DACH2: variants seen among roughly 807,000 people sequenced by gnomAD.
DACH2 encodes the protein dachshund family transcription factor 2.
Under a neutral mutation model 35.8 loss-of-function variants are expected in DACH2, and 17 were observed. The observed-to-expected ratio is 0.48, with a 90% confidence interval of 0.33 to 0.71. DACH2 has a LOEUF of 0.71. Among genes scored for constraint, DACH2 ranks in the 30% least tolerant of loss-of-function variants. DACH2 has a pLI of 0.02. For missense variants in DACH2, 469 were observed against 472.7 expected, an observed-to-expected ratio of 0.99 and a Z score of 0.07; for synonymous variants, 195 against 177.3, an observed-to-expected ratio of 1.10 and a Z score of -0.79.
intron 4 of DACH2, among the ~76,000 whole-genome samples, chrX:86,679,395 C>G (rs1313605338): frequency 8.9e-6 from 1 of 111,753 alleles, no homozygotes; most frequent in Non-Finnish European, 1.9e-5. Context: ...GTGCTGTTTT[C>G]TGTTCTACAA....
intron 2 of DACH2, among the ~76,000 whole-genome samples, chrX:86,407,278 T>C (rs1423656171): frequency 8.9e-6 from 1 of 112,039 alleles, no homozygotes. Context: ...TTATATAGTC[T>C]TGTTGAGCCT....
intron 1 of DACH2, among the ~76,000 whole-genome samples, chrX:86,228,457 A>G (rs1203702319): frequency 9.5e-6 from 1 of 105,500 alleles, no homozygotes; most frequent in Non-Finnish European, 1.9e-5. Flanking sequence ...AGAGGAAAAA[A>G]AAAAAAGAAA....
chrX:86,190,757 C>T (rs1444544271), intron 1 of DACH2, among the ~76,000 whole-genome samples: 1 of 111,006 alleles, frequency 9.0e-6, no homozygotes, highest in African/African-American at 3.3e-5. Flanking sequence ...CCAGCCTGAC[C>T]AACATGGAGA....
At chrX:86,311,915 G>C (rs1167177784) in intron 1 of DACH2, among the ~76,000 whole-genome samples, 1 of 111,355 alleles carries the variant, frequency 9.0e-6, no homozygotes, top group East Asian at 2.8e-4. Flanking sequence ...GCGTCTTTTA[G>C]TATTACCATG....
chrX:86,419,636 C>A (rs766203281), intron 2 of DACH2, among the ~76,000 whole-genome samples: 4 of 111,884 alleles, frequency 3.6e-5, no homozygotes, highest in South Asian at 7.5e-4. Context: ...GTGGACACAG[C>A]CAAACCATAT....
At chrX:86,518,666 G>A (rs1386583170) in intron 3 of DACH2, among the ~76,000 whole-genome samples, 1 of 111,754 alleles carries the variant, frequency 8.9e-6, no homozygotes, top group Non-Finnish European at 1.9e-5. Context: ...AATTGTGAAT[G>A]GGATTGCCTT....
chrX:86,344,780 C>CTCCTT (rs1197762511), intron 1 of DACH2, among the ~76,000 whole-genome samples: 1 of 111,718 alleles, frequency 9.0e-6, no homozygotes, highest in Non-Finnish European at 1.9e-5. Flanking sequence ...TTCTGACAGT[C>CTCCTT]TCCTTTCCCT....
chrX:86,165,225 A>G (rs1043751184), intron 1 of DACH2, among the ~76,000 whole-genome samples: 3 of 111,246 alleles, frequency 2.7e-5, no homozygotes, highest in Non-Finnish European at 5.7e-5. Context: ...TTATCCATTC[A>G]TCCATTGATG....
At chrX:86,337,530 A>G (rs1184559220) in intron 1 of DACH2, among the ~76,000 whole-genome samples, 5 of 109,470 alleles carry the variant, frequency 4.6e-5, no homozygotes, top group African/African-American at 1.3e-4. Flanking sequence ...CAAACACCTT[A>G]CAAGTCTGCC....
chrX:86,205,887 T>G (rs1448244876), intron 1 of DACH2, among the ~76,000 whole-genome samples: 1 of 110,842 alleles, frequency 9.0e-6, no homozygotes, highest in African/African-American at 3.3e-5. Flanking sequence ...TTTTCTATGT[T>G]CAAATGTTTG....
intron 1 of DACH2, among the ~76,000 whole-genome samples, chrX:86,219,112 T>G (rs779844442): frequency 8.9e-5 from 10 of 112,058 alleles, no homozygotes; most frequent in Non-Finnish European, 1.5e-4. Context: ...TGTATACAAA[T>G]TCAGAACGTG....
chrX:86,257,414 T>G (rs1033683266), intron 1 of DACH2, among the ~76,000 whole-genome samples: 1 of 112,093 alleles, frequency 8.9e-6, no homozygotes, highest in Non-Finnish European at 1.9e-5. Flanking sequence ...ACAGATCATA[T>G]GGAAAAGGGA....
chrX:86,300,351 CTTTTA>C (rs2148012091), intron 1 of DACH2, among the ~76,000 whole-genome samples: 1 of 111,694 alleles, frequency 9.0e-6, no homozygotes, highest in South Asian at 3.7e-4. Context: ...TTTTGTATTA[CTTTTA>C]TTTTAATCAT....
At chrX:86,224,220 G>A (rs188988795) in intron 1 of DACH2, among the ~76,000 whole-genome samples, 163 of 110,968 alleles carry the variant, frequency 1.5e-3, no homozygotes, top group Non-Finnish European at 1.1e-3. Flanking sequence ...CTAGAATTGC[G>A]TGCAACTTGA....
At position 86,714,705 on chromosome X, in the gene DACH2, T is replaced by A. The variant is rs772892123; in HGVS notation, c.1089T>A (p.Gly363=). Residue 363 remains glycine (G), a synonymous_variant, in exon 6 of 12, where the codon GGT becomes GGA. Coordinates refer to ENST00000373125, the MANE Select transcript of DACH2 (RefSeq NM_053281.3). ...TTCACAGTCCACTCTCCAGAGCTGG[T>A]ACCTCTGTTATAAAGGTAAGAATCG... The part of the protein sequence containing the change: ...AQIHSPLSRA[G]TSVIKERIPE... 4 of 1,176,469 alleles carry A rather than the reference T, an allele frequency of 3.4e-6. No homozygotes were observed. Among genetic ancestry groups the A allele is most frequent in the Non-Finnish European group, 4.6e-6 (4 of 872,296 alleles).
chrX:86,752,789 TAGAGA>T (rs772268745), intron 7 of DACH2, among the ~76,000 whole-genome samples: 56 of 111,574 alleles, frequency 5.0e-4, no homozygotes, highest in Non-Finnish European at 1.0e-3. Context: ...TGTGTTATGA[TAGAGA>T]AGAGTCAAGT....
intron 7 of DACH2, among the ~76,000 whole-genome samples, chrX:86,749,567 C>A (rs925449889): frequency 9.0e-6 from 1 of 110,947 alleles, no homozygotes; most frequent in Non-Finnish European, 1.9e-5. Flanking sequence ...AGGAGCAGTG[C>A]ATGGAGTCCC....
At chrX:86,319,082 A>G (rs2034968728) in intron 1 of DACH2, among the ~76,000 whole-genome samples, 1 of 112,037 alleles carries the variant, frequency 8.9e-6, no homozygotes, top group Admixed American at 9.5e-5. Flanking sequence ...ATTTTTACAT[A>G]CCTGTTATAA....
At chrX:86,201,965 T>C (rs1473897195) in intron 1 of DACH2, among the ~76,000 whole-genome samples, 1 of 111,435 alleles carries the variant, frequency 9.0e-6, no homozygotes, top group African/African-American at 3.3e-5. Context: ...TATAACCGCC[T>C]TACTTGCTTC....
Sources: allele counts gnomAD v4.1 joint callset (sites outside exome capture counted in the v4.1 genomes callset), GRCh38; gene constraint gnomAD v4.1.1; transcripts MANE v1.5; gene names NCBI Gene and HGNC (gene_info 2026-07-23, HGNC 2026-07-21).